Variants in ZNF385B observed in about 807,000 individuals in gnomAD.
ZNF385B encodes the protein zinc finger protein 533.
A neutral mutation model predicts 39.2 loss-of-function variants in ZNF385B; 23 were observed. The observed-to-expected ratio is 0.59, with a 90% CI of 0.42 to 0.83. The LOEUF is 0.83. ZNF385B is among the 40% of genes least tolerant of loss of function. The pLI, the probability that ZNF385B is intolerant of heterozygous loss-of-function variation, is 0.00. For synonymous variants in ZNF385B, 205 were observed against 222.6 expected (o/e 0.92, Z 0.70); for missense variants, 552 against 598.9 (o/e 0.92, Z 0.82).
At chr2:179,573,699 T>C (rs1387608914) in intron 3 of ZNF385B, among the ~76,000 whole-genome samples, 3 of 152,096 alleles carry the variant, frequency 2.0e-5, no homozygotes, top group Non-Finnish European at 4.4e-5. Flanking sequence ...ATCAATACTC[T>C]GTAAGGGAAA....
chr2:179,748,064 T>C (rs1209157624), intron 3 of ZNF385B, among the ~76,000 whole-genome samples: 2 of 152,142 alleles, frequency 1.3e-5, no homozygotes, highest in Non-Finnish European at 2.9e-5. Flanking sequence ...TAGAAAGTTA[T>C]GGATTGGGAA....
chr2:179,631,077 C>A (rs1691162940), intron 3 of ZNF385B, among the ~76,000 whole-genome samples: 1 of 152,178 alleles, frequency 6.6e-6, no homozygotes, highest in African/African-American at 2.4e-5. Flanking sequence ...GAGAATGGAA[C>A]CAAGTTGGAA....
chr2:179,721,817 T>C (rs369236420), intron 3 of ZNF385B, among the ~76,000 whole-genome samples: 2 of 152,050 alleles, frequency 1.3e-5, no homozygotes, highest in South Asian at 4.1e-4. Flanking sequence ...AATGCATACT[T>C]TGACCATTTC....
intron 6 of ZNF385B, among the ~76,000 whole-genome samples, chr2:179,470,866 GAAACAAAC>G (rs56072176): frequency 2.0e-5 from 3 of 151,126 alleles, no homozygotes; most frequent in East Asian, 3.9e-4. Context: ...GTATGTCCCT[GAAACAAAC>G]AAACAAACAA....
intron 1 of ZNF385B, among the ~76,000 whole-genome samples, chr2:179,804,121 TTC>T (rs1485940099): frequency 6.6e-6 from 1 of 152,214 alleles, no homozygotes; most frequent in Admixed American, 6.5e-5. Context: ...TTTCAACTGC[TTC>T]TCTCTCTGTG....
At chr2:179,736,646 C>T (rs563892772) in intron 3 of ZNF385B, among the ~76,000 whole-genome samples, 33 of 152,250 alleles carry the variant, frequency 2.2e-4, no homozygotes, top group African/African-American at 7.9e-4. Context: ...TCTTTAAATG[C>T]TGTCTTCCAA....
At chr2:179,600,836 G>T (rs1688354077) in intron 3 of ZNF385B, among the ~76,000 whole-genome samples, 1 of 152,106 alleles carries the variant, frequency 6.6e-6, no homozygotes, top group African/African-American at 2.4e-5. Flanking sequence ...CCTAAAGAAA[G>T]TTCCCAGAAT....
chr2:179,510,360 T>C (rs1275896078), intron 5 of ZNF385B, among the ~76,000 whole-genome samples: 1 of 152,100 alleles, frequency 6.6e-6, no homozygotes. Context: ...AGGCAGTGAA[T>C]GTGTATATGT....
intron 9 of ZNF385B, 58 bp downstream of exon 9, chr2:179,444,818 G>T (rs1559224349): frequency 6.9e-7 from 1 of 1,443,996 alleles, no homozygotes; most frequent in Non-Finnish European, 9.8e-7. Context: ...GCCCACAATG[G>T]CTGCCCAACC....
intron 6 of ZNF385B, among the ~76,000 whole-genome samples, chr2:179,454,509 T>TA (rs71401734): frequency 0.47 from 71,239 of 151,980 alleles, 17,347 homozygotes; most frequent in African/African-American, 0.6. Context: ...CTTCCATTTA[T>TA]AAAAAAATTA....
intron 3 of ZNF385B, among the ~76,000 whole-genome samples, chr2:179,724,466 A>T (rs528243153): frequency 4.6e-5 from 7 of 152,168 alleles, no homozygotes; most frequent in Non-Finnish European, 8.8e-5. Context: ...TAGTTATGTA[A>T]ATTCTTCCAA....
intron 3 of ZNF385B, among the ~76,000 whole-genome samples, chr2:179,663,870 G>A (rs1288440950): frequency 1.3e-5 from 2 of 152,006 alleles, no homozygotes; most frequent in African/African-American, 4.8e-5. Flanking sequence ...TTAAGCCAAT[G>A]AGACCAAGAT....
chr2:179,776,254 G>A (rs1704310080), intron 1 of ZNF385B, among the ~76,000 whole-genome samples: 2 of 152,184 alleles, frequency 1.3e-5, no homozygotes, highest in Non-Finnish European at 2.9e-5. Context: ...AAGATTGACA[G>A]GGGGCAGGAA....
chr2:179,675,985 C>T lies in ZNF385B; in HGVS notation c.298+93518G>A, dbSNP rs562286366. 1.1e-4 allele frequency among the ~76,000 whole-genome samples: 16 copies of T among 150,710 alleles called. No individual in the cohort carries two copies. The East Asian group carries it at 3.1e-3, about 29-fold the overall frequency. On this transcript the variant is annotated intron_variant, in intron 3 of 9. Coordinates refer to ENST00000410066, the MANE Select transcript of ZNF385B (RefSeq NM_152520.6). ...TGTATTTTTAGTAGAGACGGGGTTT[C>T]ACCATGTTGGCCAGGCTGGTCTCGA...
At chr2:179,744,663 A>G (rs1702275950) in intron 3 of ZNF385B, among the ~76,000 whole-genome samples, 1 of 152,130 alleles carries the variant, frequency 6.6e-6, no homozygotes, top group Non-Finnish European at 1.5e-5. Flanking sequence ...AAGCTATAAA[A>G]CAGCTGCCTC....
At chr2:179,673,080 A>G (rs1353133338) in intron 3 of ZNF385B, among the ~76,000 whole-genome samples, 1 of 152,176 alleles carries the variant, frequency 6.6e-6, no homozygotes, top group Non-Finnish European at 1.5e-5. Context: ...GAGGGGAGAG[A>G]GTGGCTTTCT....
chr2:179,694,896 C>T (rs1327434288), intron 3 of ZNF385B, among the ~76,000 whole-genome samples: 2 of 151,618 alleles, frequency 1.3e-5, no homozygotes, highest in Non-Finnish European at 2.9e-5. Context: ...CACCACTGCA[C>T]TCCAGCCTGG....
intron 3 of ZNF385B, among the ~76,000 whole-genome samples, chr2:179,641,514 G>T (rs1692265027): frequency 6.6e-6 from 1 of 151,944 alleles, no homozygotes; most frequent in South Asian, 2.1e-4. Context: ...CAAACTGTAG[G>T]ACTTTTCTTG....
At chr2:179,704,034 G>T (rs1453529064) in intron 3 of ZNF385B, among the ~76,000 whole-genome samples, 1 of 152,120 alleles carries the variant, frequency 6.6e-6, no homozygotes, top group African/African-American at 2.4e-5. Flanking sequence ...GATGAATTTC[G>T]AGCAAGAAAC....
Sources: allele counts gnomAD v4.1 joint callset (sites outside exome capture counted in the v4.1 genomes callset), GRCh38; gene constraint gnomAD v4.1.1; transcripts MANE v1.5; gene names NCBI Gene and HGNC (gene_info 2026-07-23, HGNC 2026-07-21).